RANBP2: variants seen among roughly 807,000 people sequenced by gnomAD.
RANBP2 encodes the protein E3 SUMO-protein ligase RanBP2.
Under a neutral mutation model 303.6 loss-of-function variants are expected in RANBP2, and 57 were observed. The observed-to-expected ratio is 0.19, with a 90% CI of 0.15 to 0.23. The LOEUF is 0.23. Among genes scored for constraint, RANBP2 ranks in the 10% least tolerant of loss-of-function variants. The probability of loss-of-function intolerance (pLI) is 1.00; values close to 1 mark genes in which losing one functional copy is unlikely to be tolerated. For missense variants in RANBP2, 3,138 were observed against 3,780.8 expected, an observed-to-expected ratio of 0.83 and a Z score of 4.46; for synonymous variants, 1,167 against 1,301.5, an observed-to-expected ratio of 0.90 and a Z score of 2.23.
At position 108,784,031 on chromosome 2, in the gene RANBP2, T is replaced by A; in HGVS notation, c.*130T>A. 1 of 883,446 alleles carries A rather than the reference T, an allele frequency of 1.1e-6. No homozygotes were observed. Among genetic ancestry groups the A allele is most frequent in the Non-Finnish European group, 1.7e-6 (1 of 584,092 alleles). The allele number at this position is 883,446 out of a possible 1,614,324, so 54.7% of individuals were successfully genotyped here. ...GATTTACAAATGTAAAATTGCAGCT[T>A]ATAGCTGTTGTCACTTTTTAATGTG... is the stretch of plus-strand genomic sequence containing the variant. On this transcript the variant is annotated 3_prime_UTR_variant, in exon 29 of 29. Coordinates refer to ENST00000283195, the MANE Select transcript of RANBP2 (RefSeq NM_006267.5).
chr2:109,061,721 G>T, the RANBP2 span, among the ~76,000 whole-genome samples: 2 of 152,134 alleles, frequency 1.3e-5, no homozygotes, highest in African/African-American at 4.8e-5. Flanking sequence ...ATGGGAGAGT[G>T]TACAATTTTG....
At chr2:109,460,069 G>C in the RANBP2 span, among the ~76,000 whole-genome samples, 527 of 152,290 alleles carry the variant, frequency 3.5e-3, 19 homozygotes, top group East Asian at 0.061. Context: ...CAGCATAATG[G>C]GGAACATGGT....
chr2:109,277,279 C>T, the RANBP2 span, among the ~76,000 whole-genome samples: 1 of 152,274 alleles, frequency 6.6e-6, no homozygotes, highest in East Asian at 1.9e-4. Flanking sequence ...CTGGATGTGA[C>T]TCTGGAATCA....
chr2:108,839,337 C>G, the RANBP2 span: 2 of 1,524,272 alleles, frequency 1.3e-6, no homozygotes, highest in Admixed American at 1.8e-5. Context: ...ATAAGTAATA[C>G]TCCACCTAAT....
the RANBP2 span, among the ~76,000 whole-genome samples, chr2:109,211,022 G>C: frequency 3.9e-5 from 6 of 152,186 alleles, no homozygotes; most frequent in Non-Finnish European, 8.8e-5. Flanking sequence ...TGGCACACGG[G>C]TTGATGACAG....
the RANBP2 span, chr2:109,615,097 A>C: frequency 6.5e-7 from 1 of 1,549,706 alleles, no homozygotes; most frequent in East Asian, 2.4e-5. Context: ...CCGGCCCGCC[A>C]GAACCTCCGT....
chr2:108,853,093 G>A, the RANBP2 span, among the ~76,000 whole-genome samples: 1 of 152,274 alleles, frequency 6.6e-6, no homozygotes, highest in East Asian at 1.9e-4. Context: ...ATGTTCCAAG[G>A]TGTTAATATG....
chr2:108,753,648 C>T, intron 14 of RANBP2, 85 bp downstream of exon 14: 1 of 1,594,444 alleles, frequency 6.3e-7, no homozygotes, highest in Non-Finnish European at 8.5e-7. Flanking sequence ...GTTGGTCGGG[C>T]TAGAGTGCAG....
chr2:109,597,946 G>A, the RANBP2 span, among the ~76,000 whole-genome samples: 606 of 152,232 alleles, frequency 4.0e-3, 3 homozygotes, highest in Middle Eastern at 0.014. Flanking sequence ...AGGCCCCTAG[G>A]TAACAATTTT....
At chr2:109,203,623 A>G in the RANBP2 span, among the ~76,000 whole-genome samples, 1 of 152,042 alleles carries the variant, frequency 6.6e-6, no homozygotes, top group Admixed American at 6.5e-5. Flanking sequence ...CACGACAAGC[A>G]TCGTGGCCCT....
chr2:108,935,789 G>T, the RANBP2 span, among the ~76,000 whole-genome samples: 2 of 152,166 alleles, frequency 1.3e-5, no homozygotes, highest in Non-Finnish European at 2.9e-5. Flanking sequence ...AGACAGATAG[G>T]GTCCCTGCTC....
At chr2:109,345,854 C>T in the RANBP2 span, among the ~76,000 whole-genome samples, 2 of 152,290 alleles carry the variant, frequency 1.3e-5, no homozygotes, top group East Asian at 1.9e-4. Flanking sequence ...AGAGGCTGTC[C>T]TGGGCATTGC....
chr2:109,290,181 C>T, the RANBP2 span, among the ~76,000 whole-genome samples: 7 of 152,162 alleles, frequency 4.6e-5, no homozygotes, highest in East Asian at 1.9e-4. Flanking sequence ...CTTCTTTGTC[C>T]GGGTGGCTTA....
At chr2:109,361,976 T>C in the RANBP2 span, among the ~76,000 whole-genome samples, 1 of 152,178 alleles carries the variant, frequency 6.6e-6, no homozygotes, top group Non-Finnish European at 1.5e-5. Context: ...CTTAGTTTGC[T>C]TGCTAGAAGC....
the RANBP2 span, among the ~76,000 whole-genome samples, chr2:109,068,081 C>G: frequency 6.6e-6 from 1 of 152,262 alleles, no homozygotes; most frequent in Non-Finnish European, 1.5e-5. Flanking sequence ...GTGAAGCTGC[C>G]CTGACTGCTG....
At chr2:109,052,791 G>A in the RANBP2 span, among the ~76,000 whole-genome samples, 2 of 152,080 alleles carry the variant, frequency 1.3e-5, no homozygotes, top group African/African-American at 4.8e-5. Flanking sequence ...TGAGCCACCC[G>A]GCCCGGCCTG....
At chr2:109,673,179 T>C in the RANBP2 span, among the ~76,000 whole-genome samples, 1 of 152,078 alleles carries the variant, frequency 6.6e-6, no homozygotes, top group African/African-American at 2.4e-5. Context: ...TGGTTAAGAG[T>C]GAGCTGTGGA....
At chr2:109,130,761 T>G in the RANBP2 span, among the ~76,000 whole-genome samples, 1 of 152,092 alleles carries the variant, frequency 6.6e-6, no homozygotes, top group Non-Finnish European at 1.5e-5. Flanking sequence ...CGGGGGTCAT[T>G]TATATTTATT....
At chr2:109,209,577 T>C in the RANBP2 span, among the ~76,000 whole-genome samples, 2 of 152,136 alleles carry the variant, frequency 1.3e-5, no homozygotes, top group East Asian at 3.9e-4. Context: ...GGGAAGATTT[T>C]CCTTCCTTTT....
Sources: gnomAD v4.1 joint callset for allele counts (sites outside exome capture counted in the v4.1 genomes callset) on GRCh38, gnomAD v4.1.1 for gene constraint, MANE v1.5 for transcripts, NCBI Gene and HGNC (gene_info 2026-07-23, HGNC 2026-07-21) for gene names.